PVR: variants seen among roughly 807,000 people sequenced by gnomAD.
The protein encoded by PVR is poliovirus receptor.
Under a neutral mutation model 43.3 loss-of-function variants are expected in PVR, and 39 were observed. The observed-to-expected ratio is 0.90, with a 90% CI of 0.70 to 1.18. The LOEUF is 1.18. PVR is among the 50% of genes most tolerant of loss of function. The pLI is 0.00. For synonymous variants in PVR, 224 were observed against 233.2 expected (o/e 0.96, Z 0.36); for missense variants, 480 against 549.7 (o/e 0.87, Z 1.27).
Position 44,650,047 on chromosome 19 carries a change from G to A in PVR, c.666G>A (p.Lys222=). 7 of 1,573,738 alleles carry A rather than the reference G, an allele frequency of 4.4e-6. No homozygotes were observed. The highest frequency in any genetic ancestry group is 6.0e-6 in the Non-Finnish European group (7 of 1,159,046). The change falls in exon 3 of 8, where the codon AAG becomes AAA. Residue 222 remains lysine, a synonymous_variant. Transcript: ENST00000425690. ...SQVDGKNVTC[K]VEHESFEKPQ... ...TGGACGGCAAGAATGTGACCTGCAA[G>A]GTGGAGCACGAGAGCTTTGAGAAGC...
Position 44,644,310 on chromosome 19 carries a change from G to A in PVR, c.79+135G>A, listed in dbSNP as rs113672371. 23 of 646,220 alleles carry A rather than the reference G, an allele frequency of 3.6e-5. 2 individuals are homozygous for A. The highest frequency in any genetic ancestry group is 3.5e-4 in the African/African-American group (18 of 51,454). 40.0% of individuals were successfully genotyped at this position (646,220 alleles called of 1,614,324 possible). A position where few individuals can be genotyped will look rare whatever the true frequency, so the allele number is the denominator to read the frequency against. On this transcript the variant is annotated intron_variant, in intron 1 of 7. Coordinates refer to ENST00000425690, the MANE Select transcript of PVR (RefSeq NM_006505.5). ...ACCCACCCCCCATCTCTGCCCCGGG[G>A]TTGGAAGGAACACGGTGCGAGGGTG... is the stretch of plus-strand genomic sequence containing the variant.
At chr19:44,653,806 C>A (rs1217699164) in intron 3 of PVR, 94 bp from the exon 4 acceptor site, 7 of 834,204 alleles carry the variant, frequency 8.4e-6, no homozygotes, top group Non-Finnish European at 1.4e-5. Context: ...TTCCAAATAT[C>A]CCCGGGCCTT....
chr19:44,647,209 T>A lies in PVR; in HGVS notation c.80-14T>A. ...ACGCCCCGGGTCTGACACCTTCTCT[T>A]CGGTTCTCCGCAGGGGACGTCGTCG... is the stretch of plus-strand genomic sequence containing the variant. On this transcript the variant is annotated splice_polypyrimidine_tract_variant and intron_variant, in intron 1 of 7. Coordinates refer to ENST00000425690, the MANE Select transcript of PVR (RefSeq NM_006505.5). 1 of 1,517,432 alleles carries A rather than the reference T, an allele frequency of 6.6e-7. No individual in the cohort carries two copies. The allele number at this position is 1,517,432 out of a possible 1,614,324, so 94.0% of individuals were successfully genotyped here.
chr19:44,644,138 G>A lies in PVR; in HGVS notation c.42G>A (p.Val14=), dbSNP rs1973005281. The stretch of plus-strand genomic sequence containing the variant: ...CCGCCGCGTGGCCGCTGCTGCTGGT[G>A]GCGCTACTGGTGCTGTCCTGGCCAC... ...AMAAAWPLLL[V]ALLVLSWPPP... is the part of the protein sequence containing the mutation. The change falls in exon 1 of 8, where the codon GTG becomes GTA. Residue 14 remains valine (V), a synonymous_variant. Coordinates refer to ENST00000425690, the MANE Select transcript of PVR (RefSeq NM_006505.5). The A allele has an allele frequency of 1.3e-6, 2 of 1,520,198 alleles. No homozygotes were observed. The highest frequency in any genetic ancestry group is 1.8e-6 in the Non-Finnish European group (2 of 1,139,410). 94.2% of individuals were successfully genotyped at this position (1,520,198 alleles called of 1,614,324 possible). A position where few individuals can be genotyped will look rare whatever the true frequency, so the allele number is the denominator to read the frequency against.
At chr19:44,647,118 G>A in intron 1 of PVR, 105 bp from the exon 2 acceptor site, 1 of 734,306 alleles carries the variant, frequency 1.4e-6, no homozygotes, top group Admixed American at 3.2e-5. Flanking sequence ...GGGATCCAGG[G>A]CCCCAGCGTG....
At position 44,646,846 on chromosome 19, in the gene PVR, A is replaced by G. The variant is rs898891168; in HGVS notation, c.80-377A>G. ...GGTTGCACAATATCGTGAAATGTAC[A>G]TAGTGCCACTGAACTGTATGCTTTA... On this transcript the variant is annotated intron_variant, in intron 1 of 7. Coordinates refer to ENST00000425690, the MANE Select transcript of PVR (RefSeq NM_006505.5). Among the ~76,000 whole-genome samples, 43 of 152,236 alleles carry G rather than the reference A, an allele frequency of 2.8e-4. 1 individual carries two copies. The highest frequency in any genetic ancestry group is 5.0e-4 in the Non-Finnish European group (34 of 68,036).
At chr19:44,661,705 A>G (rs779261914) in intron 7 of PVR, 35 bp from the exon 8 acceptor site, 15 of 1,595,908 alleles carry the variant, frequency 9.4e-6, no homozygotes, top group Non-Finnish European at 1.2e-5. Context: ...TGTTCAAAAG[A>G]GCCCCAAGGC....
In PVR at chr19:44,644,113, C is replaced by T; in HGVS notation, c.17C>T (p.Ala6Val). 1 of 1,518,494 alleles carries T rather than the reference C, an allele frequency of 6.6e-7. No individual in the cohort carries two copies. The highest frequency in any genetic ancestry group is 8.8e-7 in the Non-Finnish European group (1 of 1,138,842). The allele number at this position is 1,518,494 out of a possible 1,614,324, so 94.1% of individuals were successfully genotyped here. A position where few individuals can be genotyped will look rare whatever the true frequency, so the allele number is the denominator to read the frequency against. ...GCAACTGGCATGGCCCGAGCCATGG[C>T]CGCCGCGTGGCCGCTGCTGCTGGTG... is the stretch of plus-strand genomic sequence containing the variant. Reference protein sequence around the residue: MARAMAAAWPLLLVAL... With the variant: MARAMVAAWPLLLVAL... Residue 6 changes from alanine to valine, a missense_variant, in exon 1 of 8, where the codon GCC becomes GTC. Physicochemically the swap from Ala to Val is moderately conservative, Grantham distance 64. Transcript: ENST00000425690.
intron 6 of PVR, among the ~76,000 whole-genome samples, chr19:44,660,370 G>A (rs1247746786): frequency 6.6e-6 from 1 of 152,098 alleles, no homozygotes; most frequent in Non-Finnish European, 1.5e-5. Flanking sequence ...ATGGGGTGAT[G>A]GTACCTAATA....
At chr19:44,658,933 C>T in intron 6 of PVR, 33 bp downstream of exon 6, 3 of 1,603,220 alleles carry the variant, frequency 1.9e-6, no homozygotes, top group Non-Finnish European at 2.6e-6. Context: ...TAATTGAGCA[C>T]CTACTACGGG....
chr19:44,650,561 CTTT>C (rs869225120), intron 3 of PVR, among the ~76,000 whole-genome samples: 4 of 135,518 alleles, frequency 3.0e-5, no homozygotes, highest in East Asian at 2.1e-4. Flanking sequence ...TCTTTCTTTC[CTTT>C]TTTTTTTTTT....
chr19:44,657,688 C>T (rs559610272), intron 4 of PVR, 74 bp from the exon 5 acceptor site: 29 of 1,510,812 alleles, frequency 1.9e-5, no homozygotes, highest in Middle Eastern at 1.8e-4. Context: ...TTTCTGGGCA[C>T]GTAGTGCGTG....
rs768902184 is a variant in PVR, at chr19:44,661,820, GGACT to G, written c.*12_*15del. 4 of 1,613,184 alleles carry G rather than the reference GGACT, an allele frequency of 2.5e-6. No homozygotes were observed. The highest frequency in any genetic ancestry group is 3.4e-6 in the Non-Finnish European group (4 of 1,179,608). On this transcript the variant is annotated 3_prime_UTR_variant, in exon 8 of 8. Transcript: ENST00000425690. ...CAGAGGGCACAAGGTGACAGCGTCG[GGACT>G]GAGAGGGGAGAGAGACTGGAGCTGG...
chr19:44,656,586 T>C (rs1973452675), intron 4 of PVR, among the ~76,000 whole-genome samples: 1 of 152,206 alleles, frequency 6.6e-6, no homozygotes, highest in African/African-American at 2.4e-5. Flanking sequence ...CATATAGAGC[T>C]TCCATTCTAG....
rs1973669308 is a variant in PVR at position 44,664,745 on chromosome 19, T to C, written c.*2934T>C. On this transcript the variant is annotated 3_prime_UTR_variant, in exon 8 of 8. Coordinates refer to ENST00000425690, the MANE Select transcript of PVR (RefSeq NM_006505.5). The stretch of plus-strand genomic sequence containing the variant: ...TTTTTTATTTTAGAGAAAGGAATCT[T>C]GCCATCTTGCCCAGGCTGGTCTCAA... 1 of 151,078 alleles carries C rather than the reference T, an allele frequency of 6.6e-6. No homozygotes were observed. The highest frequency in any genetic ancestry group is 1.5e-5 in the Non-Finnish European group (1 of 67,736). The allele number at this position is 151,078 out of a possible 1,614,324, so 9.4% of individuals were successfully genotyped here.
chr19:44,658,748 C>A lies in PVR; in HGVS notation c.998C>A (p.Pro333His). 6.2e-7 allele frequency: 1 copy of A among 1,606,294 alleles called. No individual in the cohort carries two copies. Among genetic ancestry groups the A allele is most frequent in the Non-Finnish European group, 8.5e-7 (1 of 1,173,760 alleles). ...AELTVQVKEG[P>H]PSEHSGMSRN... ...CTGTTTCCTTCTCTTTCAGAGGGAC[C>A]TCCCAGTGAGCACTCAGGCATGTCC... Residue 333 changes from proline (P) to histidine (H), a missense_variant, in exon 6 of 8, where the codon CCT becomes CAT. Pro to His is a moderately conservative substitution (Grantham distance 77). Transcript: ENST00000425690.
At chr19:44,650,253 T>A (rs950065537) in intron 3 of PVR, 148 bp downstream of exon 3, 3 of 702,054 alleles carry the variant, frequency 4.3e-6, no homozygotes, top group Non-Finnish European at 6.6e-6. Context: ...ACCCCCATTG[T>A]CTGCACCAGC....
At position 44,654,261 on chromosome 19, in the gene PVR, AGGGGC is replaced by A. The variant is rs1368348695; in HGVS notation, c.842+245_842+249del. 7.1e-3 allele frequency among the ~76,000 whole-genome samples: 748 copies of A among 105,084 alleles called. 4 individuals carry two copies. Among genetic ancestry groups the A allele is most frequent in the African/African-American group, 0.046 (714 of 15,532 alleles). The allele number at this position is 105,084 out of a possible 152,430, so 68.9% of individuals were successfully genotyped here. On this transcript the variant is annotated intron_variant, in intron 4 of 7. Transcript: ENST00000425690. ...CCTGGACCCCTGGGTCTGAGGGAGGAGGGGCTGGGGGGTCTGGACCCCTGGGTCTG... is the reference window on the plus strand; with the variant it reads ...CCTGGACCCCTGGGTCTGAGGGAGGATGGGGGGTCTGGACCCCTGGGTCTG...
rs776082259 is a variant in PVR at position 44,662,710 on chromosome 19, G to A, written c.*899G>A. ...TGAATGCCCAGGAGCTGAGGATAAA[G>A]GGCCCGATCTTTCTTTGGGCAAGGT... is the stretch of plus-strand genomic sequence containing the variant. On this transcript the variant is annotated 3_prime_UTR_variant, in exon 8 of 8. Coordinates refer to ENST00000425690, the MANE Select transcript of PVR (RefSeq NM_006505.5). 6.6e-6 allele frequency: 1 copy of A among 152,234 alleles called. No homozygotes were observed. The highest frequency in any genetic ancestry group is 1.5e-5 in the Non-Finnish European group (1 of 68,060). The allele number at this position is 152,234 out of a possible 1,614,324, so 9.4% of individuals were successfully genotyped here.
Sources: allele counts gnomAD v4.1 joint callset (sites outside exome capture counted in the v4.1 genomes callset), GRCh38; gene constraint gnomAD v4.1.1; transcripts MANE v1.5; gene names NCBI Gene and HGNC (gene_info 2026-07-23, HGNC 2026-07-21).